The following ADCY8 variants were observed in gnomAD, a reference collection of about 807,000 sequenced individuals.
ADCY8 encodes the protein adenylate cyclase 8.
A neutral mutation model predicts 119.7 loss-of-function variants in ADCY8; 51 were observed. That is an observed-to-expected ratio of 0.43 (90% confidence interval 0.34 to 0.54). The LOEUF is 0.54. Among genes scored for constraint, ADCY8 ranks in the 20% least tolerant of loss-of-function variants. The probability of loss-of-function intolerance (pLI) is 0.03; values close to 1 mark genes in which losing one functional copy is unlikely to be tolerated. For missense variants in ADCY8, 1,383 were observed against 1,598.8 expected (o/e 0.87, Z 2.30); for synonymous variants, 665 against 651.0 (o/e 1.02, Z -0.33).
At chr8:130,956,261 A>G (rs1821422468) in intron 2 of ADCY8, among the ~76,000 whole-genome samples, 1 of 152,228 alleles carries the variant, frequency 6.6e-6, no homozygotes, top group African/African-American at 2.4e-5. Context: ...GACACACTGT[A>G]GGATCCTATA....
chr8:130,912,311 G>A (rs1048767954), intron 5 of ADCY8, among the ~76,000 whole-genome samples: 2 of 152,272 alleles, frequency 1.3e-5, no homozygotes, highest in East Asian at 1.9e-4. Flanking sequence ...TATCTGGCAC[G>A]TGGTTAACAC....
rs201962703 is a variant in ADCY8 at position 130,934,557 on chromosome 8, A to G, written c.1481+2516T>C. ...TTGGGTGGGAACACAAATCCGAACC[A>G]TATCGCAGTCCCATTGTCCCCCTTT... On this transcript the variant is annotated intron_variant, in intron 5 of 17. Coordinates refer to ENST00000286355, the MANE Select transcript of ADCY8 (RefSeq NM_001115.3). Among the ~76,000 whole-genome samples, 34 of 152,296 alleles carry G rather than the reference A, an allele frequency of 2.2e-4. 1 individual carries two copies. In the East Asian group the frequency reaches 5.4e-3, roughly 24 times the overall value.
At chr8:131,033,927 C>T (rs1017819977) in intron 1 of ADCY8, among the ~76,000 whole-genome samples, 5 of 151,882 alleles carry the variant, frequency 3.3e-5, no homozygotes, top group East Asian at 3.9e-4. Context: ...ACACTCAAAT[C>T]GGCTTTTGAA....
chr8:130,980,163 C>T (rs1586626310), intron 2 of ADCY8, among the ~76,000 whole-genome samples: 1 of 152,108 alleles, frequency 6.6e-6, no homozygotes, highest in African/African-American at 2.4e-5. Flanking sequence ...GTTTCCTGCT[C>T]CTGCCTCTGG....
At chr8:130,899,707 T>TA (rs1009938946) in intron 7 of ADCY8, among the ~76,000 whole-genome samples, 4 of 152,152 alleles carry the variant, frequency 2.6e-5, no homozygotes, top group Non-Finnish European at 5.9e-5. Context: ...GAGTATCTGT[T>TA]AAATAACAGA....
In ADCY8 at chr8:131,021,505, G is replaced by A. The variant is rs377346450; in HGVS notation, c.960+17869C>T. On this transcript the variant is annotated intron_variant, in intron 1 of 17. Coordinates refer to ENST00000286355, the MANE Select transcript of ADCY8 (RefSeq NM_001115.3). ...ACATTACCTCCCAAAATAAAGTTTGGTTCTATATGTGATATGGTTTGGCTG... is the reference window on the plus strand; with the variant it reads ...ACATTACCTCCCAAAATAAAGTTTGATTCTATATGTGATATGGTTTGGCTG... 7.2e-5 allele frequency among the ~76,000 whole-genome samples: 11 copies of A among 152,192 alleles called. No homozygotes were observed. The South Asian group carries it at 8.3e-4, about 11-fold the overall frequency.
intron 14 of ADCY8, among the ~76,000 whole-genome samples, chr8:130,800,961 C>A (rs922440686): frequency 4.6e-5 from 7 of 152,196 alleles, no homozygotes; most frequent in African/African-American, 1.7e-4. Context: ...GCACTAATCC[C>A]ATCCAGTAGG....
intron 2 of ADCY8, among the ~76,000 whole-genome samples, chr8:130,963,589 TG>T (rs1212944721): frequency 6.6e-6 from 1 of 152,178 alleles, no homozygotes; most frequent in Non-Finnish European, 1.5e-5. Context: ...CTCTACTTCA[TG>T]GGGGGTTTAG....
At chr8:130,880,723 CTTGGG>C (rs1818739164) in intron 8 of ADCY8, among the ~76,000 whole-genome samples, 1 of 152,174 alleles carries the variant, frequency 6.6e-6, no homozygotes, top group South Asian at 2.1e-4. Context: ...AGGCCCAAGC[CTTGGG>C]TCACATGACT....
chr8:130,844,435 A>G (rs1224438355), intron 11 of ADCY8, among the ~76,000 whole-genome samples: 1 of 152,212 alleles, frequency 6.6e-6, no homozygotes, highest in Non-Finnish European at 1.5e-5. Context: ...TTTGTATTAC[A>G]TCATCCAGTT....
intron 12 of ADCY8, among the ~76,000 whole-genome samples, chr8:130,834,454 G>A (rs1816925883): frequency 6.6e-6 from 1 of 152,196 alleles, no homozygotes; most frequent in African/African-American, 2.4e-5. Flanking sequence ...GGAAAATCGT[G>A]TCAGTCACAT....
intron 1 of ADCY8, among the ~76,000 whole-genome samples, chr8:131,033,770 G>GCACACA (rs148651546): frequency 2.5e-3 from 366 of 149,064 alleles, no homozygotes; most frequent in African/African-American, 8.7e-3. Context: ...ATACACAAAA[G>GCACACA]CACACACACA....
chr8:130,975,809 TCTG>T (rs1175845312), intron 2 of ADCY8, among the ~76,000 whole-genome samples: 1 of 152,228 alleles, frequency 6.6e-6, no homozygotes, highest in Non-Finnish European at 1.5e-5. Context: ...CAGAAATTCT[TCTG>T]CTGAAAGAAT....
intron 17 of ADCY8, 73 bp from the exon 18 acceptor site, chr8:130,780,950 G>A: frequency 6.4e-7 from 1 of 1,559,508 alleles, no homozygotes; most frequent in Non-Finnish European, 8.7e-7. Flanking sequence ...CCCCTCCCTG[G>A]GACAGTGATC....
At chr8:130,791,243 G>GA (rs1311455800) in intron 15 of ADCY8, among the ~76,000 whole-genome samples, 1 of 152,210 alleles carries the variant, frequency 6.6e-6, no homozygotes, top group Non-Finnish European at 1.5e-5. Context: ...TGGAGTCAGG[G>GA]AAAAGGGGAG....
Position 130,802,354 on chromosome 8 carries a change from A to T in ADCY8, c.2914-1782T>A, listed in dbSNP as rs138932636. Among the ~76,000 whole-genome samples, 285 of 152,288 alleles carry T rather than the reference A, an allele frequency of 1.9e-3. 1 individual carries two copies. The highest frequency in any genetic ancestry group is 6.8e-3 in the Middle Eastern group (2 of 294). On this transcript the variant is annotated intron_variant, in intron 14 of 17. Transcript: ENST00000286355. Reference sequence around the variant, plus strand: ...CTCCTACCACTGTGTGTGTGTTTTTAAAAATCGGGCTCTTCCCATTTTCCT... The same window carrying T: ...CTCCTACCACTGTGTGTGTGTTTTTTAAAATCGGGCTCTTCCCATTTTCCT...
chr8:130,857,953 A>G (rs1178398841), intron 9 of ADCY8, among the ~76,000 whole-genome samples: 1 of 152,158 alleles, frequency 6.6e-6, no homozygotes, highest in African/African-American at 2.4e-5. Context: ...AAAGCTAAAT[A>G]TATTTGCTGG....
intron 16 of ADCY8, among the ~76,000 whole-genome samples, chr8:130,784,599 A>G (rs897959857): frequency 1.3e-5 from 2 of 152,214 alleles, no homozygotes; most frequent in African/African-American, 4.8e-5. Flanking sequence ...AAGGAGCAAT[A>G]GGCAAAATAT....
rs572297831 is a variant in ADCY8, at chr8:130,885,962, A to G, written c.1912-1201T>C. 4.5e-4 allele frequency among the ~76,000 whole-genome samples: 69 copies of G among 152,128 alleles called. 2 individuals are homozygous for G. The South Asian group carries it at 0.014, about 31-fold the overall frequency. Reference sequence around the variant, plus strand: ...AGATCCTCTTGCCAAACCTTCAGATATCGATGAGCCTCAGAGAGACTTGCT... The same window carrying G: ...AGATCCTCTTGCCAAACCTTCAGATGTCGATGAGCCTCAGAGAGACTTGCT... On this transcript the variant is annotated intron_variant, in intron 7 of 17. Coordinates refer to ENST00000286355, the MANE Select transcript of ADCY8 (RefSeq NM_001115.3).
Sources: gnomAD v4.1 joint callset for allele counts (sites outside exome capture counted in the v4.1 genomes callset) on GRCh38, gnomAD v4.1.1 for gene constraint, MANE v1.5 for transcripts, NCBI Gene and HGNC (gene_info 2026-07-23, HGNC 2026-07-21) for gene names.